Variants in TGFB3 observed in about 807,000 individuals in gnomAD.
TGFB3 encodes the protein transforming growth factor beta 3.
TGFB3 carries 5 observed loss-of-function variants against 40.1 expected under a neutral mutation model. That is an observed-to-expected ratio of 0.12 (90% CI 0.07 to 0.26). The LOEUF is 0.26. Among genes scored for constraint, TGFB3 ranks in the 10% least tolerant of loss-of-function variants. The pLI is 1.00. For synonymous variants in TGFB3, 184 were observed against 205.6 expected (o/e 0.89, Z 0.90); for missense variants, 373 against 530.1 (o/e 0.70, Z 2.91).
intron 3 of TGFB3, 59 bp from the exon 4 acceptor site, chr14:75,965,754 C>G: frequency 1.4e-6 from 2 of 1,416,678 alleles, no homozygotes; most frequent in Non-Finnish European, 2.0e-6. Context: ...GAAGTGTGCC[C>G]ACCACCCATG....
chr14:75,982,478 G>A (rs1472829152), upstream of TGFB3, among the ~76,000 whole-genome samples: 1 of 149,506 alleles, frequency 6.7e-6, no homozygotes, highest in South Asian at 2.1e-4. This position sits in a 1 kb window ranked among gnomAD's most constrained non-coding sequence, Gnocchi z 4.0. Context: ...TCGGAGGGTC[G>A]GCGTCCGCTC....
chr14:75,973,900 G>A (rs556278300), intron 1 of TGFB3, among the ~76,000 whole-genome samples: 14 of 152,316 alleles, frequency 9.2e-5, no homozygotes, highest in African/African-American at 2.6e-4. Context: ...CCAGCACTTC[G>A]GGAAGCCGAG....
intron 4 of TGFB3, 85 bp from the exon 5 acceptor site, chr14:75,963,572 G>T: frequency 6.5e-7 from 1 of 1,534,798 alleles, no homozygotes; most frequent in Non-Finnish European, 9.0e-7. Flanking sequence ...CCCCATCACT[G>T]CCCAGGAGGA....
intron 1 of TGFB3, among the ~76,000 whole-genome samples, chr14:75,975,984 A>C (rs1212453500): frequency 6.6e-6 from 1 of 152,254 alleles, no homozygotes; most frequent in Non-Finnish European, 1.5e-5. Context: ...GAAAAAATAT[A>C]TATTGGTGAA....
chr14:75,963,721 A>T (rs1343942298), intron 4 of TGFB3, among the ~76,000 whole-genome samples: 1 of 152,214 alleles, frequency 6.6e-6, no homozygotes, highest in Non-Finnish European at 1.5e-5. Flanking sequence ...CCACTGAAAG[A>T]TGCCCCGTGT....
chr14:75,971,398 T>G lies in TGFB3; in HGVS notation c.517-143A>C. 1 of 1,513,540 alleles carries G rather than the reference T, an allele frequency of 6.6e-7. No homozygotes were observed. Among genetic ancestry groups the G allele is most frequent in the Non-Finnish European group, 9.0e-7 (1 of 1,108,880 alleles). 93.8% of individuals were successfully genotyped at this position (1,513,540 alleles called of 1,614,324 possible). A position where few individuals can be genotyped will look rare whatever the true frequency, so the allele number is the denominator to read the frequency against. On this transcript the variant is annotated intron_variant, in intron 2 of 6. Coordinates refer to ENST00000238682, the MANE Select transcript of TGFB3 (RefSeq NM_003239.5). The surrounding 1 kb of genome is among the most constrained non-coding windows in gnomAD (Gnocchi z 4.5). Reference sequence around the variant, plus strand: ...GCCCTCGAGCACCTTAGCTAACTCTTAAGTGTTTTAATGACAGACACAGAT... The same window carrying G: ...GCCCTCGAGCACCTTAGCTAACTCTGAAGTGTTTTAATGACAGACACAGAT...
Position 75,978,112 on chromosome 14 carries a change from C to G in TGFB3, c.352+2430G>C, listed in dbSNP as rs1027549439. Among the ~76,000 whole-genome samples the G allele has an allele frequency of 1.3e-5, 2 of 152,130 alleles. No homozygotes were observed. Among genetic ancestry groups the G allele is most frequent in the Non-Finnish European group, 2.9e-5 (2 of 68,040 alleles). ...CTCTATCTCCTTGCCCTGGCTCCTA[C>G]TGTCACTTTCCTTTGAATGCATGTT... is the stretch of plus-strand genomic sequence containing the variant. On this transcript the variant is annotated intron_variant, in intron 1 of 6. Transcript: ENST00000238682. This position sits in a 1 kb window ranked among gnomAD's most constrained non-coding sequence, Gnocchi z 5.0.
intron 6 of TGFB3, among the ~76,000 whole-genome samples, chr14:75,959,835 G>A (rs1360809132): frequency 1.4e-5 from 2 of 148,080 alleles, no homozygotes; most frequent in Non-Finnish European, 3.0e-5. Context: ...TGTAGTTGCT[G>A]TTCATCCACA....
At chr14:75,962,444 T>A (rs2035168483) in intron 5 of TGFB3, among the ~76,000 whole-genome samples, 1 of 152,200 alleles carries the variant, frequency 6.6e-6, no homozygotes, top group Admixed American at 6.5e-5. Flanking sequence ...AAGACATGGT[T>A]TCCAGATCTA....
chr14:75,964,756 T>C (rs1217081962), intron 4 of TGFB3, among the ~76,000 whole-genome samples: 1 of 152,192 alleles, frequency 6.6e-6, no homozygotes, highest in African/African-American at 2.4e-5. Context: ...AGGTAAGGAC[T>C]CCAAAGGTCC....
Position 75,959,061 on chromosome 14 carries a change from T to G in TGFB3, c.*126A>C. 1 of 1,186,582 alleles carries G rather than the reference T, an allele frequency of 8.4e-7. No homozygotes were observed. Among genetic ancestry groups the G allele is most frequent in the Non-Finnish European group, 1.3e-6 (1 of 799,718 alleles). The allele number at this position is 1,186,582 out of a possible 1,614,324, so 73.5% of individuals were successfully genotyped here. A position where few individuals can be genotyped will look rare whatever the true frequency, so the allele number is the denominator to read the frequency against. On this transcript the variant is annotated 3_prime_UTR_variant, in exon 7 of 7. Coordinates refer to ENST00000238682, the MANE Select transcript of TGFB3 (RefSeq NM_003239.5). Reference sequence around the variant, plus strand: ...AAAAGGAAACCTCCATCTCAGCCATTTGCCCGGAGCCGAAGGTTGTGGGCT... The same window carrying G: ...AAAAGGAAACCTCCATCTCAGCCATGTGCCCGGAGCCGAAGGTTGTGGGCT...
chr14:75,960,541 C>G (rs2035142993), intron 6 of TGFB3, among the ~76,000 whole-genome samples: 1 of 152,166 alleles, frequency 6.6e-6, no homozygotes, highest in South Asian at 2.1e-4. Context: ...TGTTGTCTTT[C>G]AGAGTAAGTT....
chr14:75,973,116 G>C (rs1049283066), intron 1 of TGFB3, among the ~76,000 whole-genome samples: 5 of 152,248 alleles, frequency 3.3e-5, no homozygotes, highest in African/African-American at 1.2e-4. Context: ...TTAACACCCA[G>C]AGAAAAACTT....
At position 75,980,439 on chromosome 14, in the gene TGFB3, G is replaced by T; in HGVS notation, c.352+103C>A. 8.2e-7 allele frequency: 1 copy of T among 1,218,634 alleles called. No homozygotes were observed. The highest frequency in any genetic ancestry group is 1.2e-6 in the Non-Finnish European group (1 of 826,324). The allele number at this position is 1,218,634 out of a possible 1,614,324, so 75.5% of individuals were successfully genotyped here. ...CTGAGCCTTGGTGCTGGTGAATCCT[G>T]GGGCACCCTGCTGTGTGGCCAGCAC... On this transcript the variant is annotated intron_variant, in intron 1 of 6. Coordinates refer to ENST00000238682, the MANE Select transcript of TGFB3 (RefSeq NM_003239.5). This position sits in a 1 kb window ranked among gnomAD's most constrained non-coding sequence, Gnocchi z 4.3.
chr14:75,971,797 A>C lies in TGFB3; in HGVS notation c.353-79T>G. On this transcript the variant is annotated intron_variant, in intron 1 of 6. Transcript: ENST00000238682. This position sits in a 1 kb window ranked among gnomAD's most constrained non-coding sequence, Gnocchi z 4.5. The stretch of plus-strand genomic sequence containing the variant: ...GTGTGCTGCCAACGGACAGGCACCA[A>C]GTGGCCACCGTCCCGCCTGCCACCT... 1.3e-6 allele frequency: 2 copies of C among 1,546,240 alleles called. No individual in the cohort carries two copies. The highest frequency in any genetic ancestry group is 1.8e-6 in the Non-Finnish European group (2 of 1,128,462).
Position 75,972,148 on chromosome 14 carries a change from T to C in TGFB3, c.353-430A>G, listed in dbSNP as rs576340003. ...TGGGCATTCATTCATTTATCAAAGATGTATTGAGCAGCTACTATATGCCAA... is the reference window on the plus strand; with the variant it reads ...TGGGCATTCATTCATTTATCAAAGACGTATTGAGCAGCTACTATATGCCAA... On this transcript the variant is annotated intron_variant, in intron 1 of 6. Transcript: ENST00000238682. 1.2e-4 allele frequency among the ~76,000 whole-genome samples: 19 copies of C among 152,344 alleles called. 1 individual carries two copies. The East Asian group carries it at 3.1e-3, about 25-fold the overall frequency.
chr14:75,970,563 AATAATAATAAT>A (rs2035276866), intron 3 of TGFB3: 2 of 5,338 alleles, frequency 3.7e-4, no homozygotes, highest in Middle Eastern at 0.028. Flanking sequence ...AGTCTCAAGA[AATAATAATAAT>A]AATAATAATA....
At position 75,979,373 on chromosome 14, in the gene TGFB3, C is replaced by G. The variant is rs2035393888; in HGVS notation, c.352+1169G>C. ...CCTGCCAGCTCCATCCCATGCCCTC[C>G]ACCCCACTCCAGGAGCTGCCCACCT... On this transcript the variant is annotated intron_variant, in intron 1 of 6. Transcript: ENST00000238682. This position sits in a 1 kb window ranked among gnomAD's most constrained non-coding sequence, Gnocchi z 4.8. Among the ~76,000 whole-genome samples, 1 of 152,110 alleles carries G rather than the reference C, an allele frequency of 6.6e-6. No homozygotes were observed. Among genetic ancestry groups the G allele is most frequent in the Non-Finnish European group, 1.5e-5 (1 of 68,008 alleles).
At chr14:75,966,031 A>G (rs1328402907) in intron 3 of TGFB3, 2 of 367,950 alleles carry the variant, frequency 5.4e-6, no homozygotes, top group Non-Finnish European at 1.0e-5. Flanking sequence ...GCAAAAGTAC[A>G]CAGATACAGT....
Sources: gnomAD v4.1 joint callset for allele counts (sites outside exome capture counted in the v4.1 genomes callset) on GRCh38, gnomAD v4.1.1 for gene constraint, Gnocchi (gnomAD v3.1) non-coding constraint, MANE v1.5 for transcripts, NCBI Gene and HGNC (gene_info 2026-07-23, HGNC 2026-07-21) for gene names.